The following IBTK variants were observed in gnomAD, a reference collection of about 807,000 sequenced individuals.
IBTK encodes the protein BTK-binding protein.
Under a neutral mutation model 154.9 loss-of-function variants are expected in IBTK, and 83 were observed. The ratio of observed to expected loss-of-function variants is 0.54; its 90% CI spans 0.45 to 0.64. IBTK has a LOEUF of 0.64. Among genes scored for constraint, IBTK ranks in the 30% least tolerant of loss-of-function variants. The pLI, the probability that IBTK is intolerant of heterozygous loss-of-function variation, is 0.00. For synonymous variants in IBTK, 515 were observed against 536.1 expected, an observed-to-expected ratio of 0.96 and a Z score of 0.54; for missense variants, 1,332 against 1,584.6, an observed-to-expected ratio of 0.84 and a Z score of 2.71.
At position 82,234,166 on chromosome 6, in the gene IBTK, C is replaced by T; in HGVS notation, c.411G>A (p.Lys137=). ...TTTGTGAAATTTTCTTACCAGTATT[C>T]TTGAATACTACATGAGTTGGTCTAT... ...MKDRPTHVVF[K]NTDPTDVYTW... Residue 137 remains lysine (K), a synonymous_variant, in exon 3 of 29, where the codon AAG becomes AAA. Coordinates refer to ENST00000306270, the MANE Select transcript of IBTK (RefSeq NM_015525.4). The T allele has an allele frequency of 6.4e-7, 1 of 1,573,958 alleles. No homozygotes were observed.
intron 26 of IBTK, among the ~76,000 whole-genome samples, chr6:82,175,836 C>T (rs954474399): frequency 1.3e-5 from 2 of 151,840 alleles, no homozygotes; most frequent in Admixed American, 6.6e-5. Flanking sequence ...TCGAGACCAC[C>T]CTGACCAACA....
At chr6:82,184,553 A>C (rs2127800239) in intron 25 of IBTK, among the ~76,000 whole-genome samples, 1 of 152,326 alleles carries the variant, frequency 6.6e-6, no homozygotes, top group East Asian at 1.9e-4. Flanking sequence ...TAGTGTTTTC[A>C]CATTAAATTT....
Position 82,231,748 on chromosome 6 carries a change from C to A in IBTK, c.513G>T (p.Leu171=). 1.2e-6 allele frequency: 2 copies of A among 1,608,924 alleles called. No individual in the cohort carries two copies. The highest frequency in any genetic ancestry group is 1.7e-6 in the Non-Finnish European group (2 of 1,177,302). Residue 171 remains leucine (L), a synonymous_variant, in exon 4 of 29, where the codon CTG becomes CTT. Coordinates refer to ENST00000306270, the MANE Select transcript of IBTK (RefSeq NM_015525.4). The part of the protein sequence containing the change: ...NSKHHPELVD[L]FSRSGIYIKQ... ...TGATATAAATCCCACTCCTGGAGAACAGATCCACCAACTCTGGATGATGTT... is the reference window on the plus strand; with the variant it reads ...TGATATAAATCCCACTCCTGGAGAAAAGATCCACCAACTCTGGATGATGTT...
intron 23 of IBTK, among the ~76,000 whole-genome samples, chr6:82,193,129 T>C (rs1167311171): frequency 6.6e-6 from 1 of 152,028 alleles, no homozygotes; most frequent in African/African-American, 2.4e-5. Flanking sequence ...TACTTCATAT[T>C]AAAGGGAACC....
chr6:82,226,048 C>A lies in IBTK; in HGVS notation c.655-401G>T, dbSNP rs185722138. ...ATATAGTATCATATTCCTTTGGAGT[C>A]ATTTATCTGTCCTGGGTTCAAATCT... On this transcript the variant is annotated intron_variant, in intron 5 of 28. Transcript: ENST00000306270. Among the ~76,000 whole-genome samples the A allele has an allele frequency of 1.3e-4, 20 of 152,232 alleles. 1 individual carries two copies. Among genetic ancestry groups the A allele is most frequent in the African/African-American group, 4.8e-4 (20 of 41,562 alleles).
intron 25 of IBTK, among the ~76,000 whole-genome samples, chr6:82,185,943 C>T (rs1768539323): frequency 6.6e-6 from 1 of 152,002 alleles, no homozygotes; most frequent in African/African-American, 2.4e-5. Context: ...GTATATCGTG[C>T]CATTTTTCTA....
chr6:82,198,105 T>A (rs1370958621), intron 21 of IBTK, among the ~76,000 whole-genome samples: 2 of 152,212 alleles, frequency 1.3e-5, no homozygotes, highest in Non-Finnish European at 2.9e-5. Context: ...AGGTTTAAAG[T>A]AAGGGACATA....
At chr6:82,186,507 C>T (rs1357802987) in intron 25 of IBTK, among the ~76,000 whole-genome samples, 4 of 152,006 alleles carry the variant, frequency 2.6e-5, no homozygotes, top group Middle Eastern at 3.2e-3. Context: ...TAGCAAACTA[C>T]GTATAGTATA....
chr6:82,194,683 A>C (rs1768914563), intron 22 of IBTK, 41 bp from the exon 23 acceptor site: 1 of 1,430,032 alleles, frequency 7.0e-7, no homozygotes. Context: ...ACAGGCACCT[A>C]GAACAGTAAC....
chr6:82,214,005 G>T (rs1387257188), intron 12 of IBTK, among the ~76,000 whole-genome samples: 4 of 152,018 alleles, frequency 2.6e-5, no homozygotes, highest in African/African-American at 9.7e-5. Flanking sequence ...GCCCAGGCTG[G>T]AATGCAGTGG....
chr6:82,227,648 G>T (rs1347884407), intron 4 of IBTK, among the ~76,000 whole-genome samples: 1 of 152,088 alleles, frequency 6.6e-6, no homozygotes, highest in African/African-American at 2.4e-5. Context: ...ATATCAAACA[G>T]TAAGAAATGA....
chr6:82,224,016 T>A (rs1447256669), intron 7 of IBTK, 52 bp downstream of exon 7: 1 of 986,786 alleles, frequency 1.0e-6, no homozygotes, highest in Non-Finnish European at 1.6e-6. Context: ...AAAAGATAAT[T>A]TTTTAAAGAG....
chr6:82,234,863 CT>C (rs896829747), intron 2 of IBTK, among the ~76,000 whole-genome samples: 1 of 151,224 alleles, frequency 6.6e-6, no homozygotes, highest in African/African-American at 2.4e-5. Flanking sequence ...TACATGTGAA[CT>C]TTTTTTTGCA....
chr6:82,194,830 T>C (rs1267699301), intron 22 of IBTK, among the ~76,000 whole-genome samples, 188 bp from the exon 23 acceptor site: 10 of 152,188 alleles, frequency 6.6e-5, no homozygotes, highest in South Asian at 6.2e-4. Flanking sequence ...AATCACATTA[T>C]TGACTATAAC....
At position 82,240,559 on chromosome 6, in the gene IBTK, A is replaced by G. The variant is rs1027697963; in HGVS notation, c.-73T>C. ...TAAAAAATGAAAAAGCCAGGACACA[A>G]AGGTGCTATTGAGGAAGTTACAGAG... On this transcript the variant is annotated 5_prime_UTR_variant, in exon 2 of 29. Coordinates refer to ENST00000306270, the MANE Select transcript of IBTK (RefSeq NM_015525.4). 8 of 1,262,564 alleles carry G rather than the reference A, an allele frequency of 6.3e-6. No individual in the cohort carries two copies. In the African/African-American group the frequency reaches 8.9e-5, roughly 14 times the overall value. 78.2% of individuals were successfully genotyped at this position (1,262,564 alleles called of 1,614,324 possible).
chr6:82,229,129 C>T (rs1770407812), intron 4 of IBTK, among the ~76,000 whole-genome samples: 1 of 151,990 alleles, frequency 6.6e-6, no homozygotes, highest in Admixed American at 6.6e-5. Context: ...CTTTCTCTTC[C>T]CTGACTGAAA....
intron 1 of IBTK, 24 bp downstream of exon 1, chr6:82,247,538 G>C (rs1250160047): frequency 2.0e-5 from 8 of 398,780 alleles, no homozygotes; most frequent in East Asian, 1.8e-4. Context: ...CCGCACGGTC[G>C]GGCAGCGCCA....
At chr6:82,200,044 C>T (rs920122794) in intron 21 of IBTK, 97 bp downstream of exon 21, 2 of 788,974 alleles carry the variant, frequency 2.5e-6, no homozygotes, top group African/African-American at 3.5e-5. Context: ...TTGGTACCTC[C>T]ATAAGGACTG....
At chr6:82,237,693 T>TAGCAGC (rs1554188048) in intron 2 of IBTK, among the ~76,000 whole-genome samples, 2 of 149,780 alleles carry the variant, frequency 1.3e-5, no homozygotes, top group African/African-American at 4.9e-5. Flanking sequence ...GTAGTAGTAG[T>TAGCAGC]AGCAGTAATA....
Sources: allele counts gnomAD v4.1 joint callset (sites outside exome capture counted in the v4.1 genomes callset), GRCh38; gene constraint gnomAD v4.1.1; transcripts MANE v1.5; gene names NCBI Gene and HGNC (gene_info 2026-07-23, HGNC 2026-07-21).